The following NLGN1 variants were observed in gnomAD, a reference collection of about 807,000 sequenced individuals.
The protein encoded by NLGN1 is neuroligin-1.
In NLGN1, 12 loss-of-function variants were observed where a neutral mutation model predicts 65.5. The observed-to-expected ratio is 0.18, with a 90% CI of 0.12 to 0.30. NLGN1 has a LOEUF of 0.30. Ranked by LOEUF, NLGN1 falls within the 10% of genes least tolerant of loss-of-function variation. NLGN1 has a pLI of 1.00. For missense variants in NLGN1, 750 were observed against 1,007.1 expected (o/e 0.74, Z 3.46); for synonymous variants, 350 against 359.5 (o/e 0.97, Z 0.30).
intron 3 of NLGN1, among the ~76,000 whole-genome samples, chr3:173,807,466 G>A (rs2150446607): frequency 6.6e-6 from 1 of 152,222 alleles, no homozygotes; most frequent in South Asian, 2.1e-4. Flanking sequence ...TTTGCAACTT[G>A]TAAACAAAAT....
chr3:173,423,643 A>G (rs913702923), intron 1 of NLGN1, among the ~76,000 whole-genome samples: 14 of 152,174 alleles, frequency 9.2e-5, no homozygotes, highest in African/African-American at 3.1e-4. Context: ...TCTCACATCC[A>G]GGGCACACTA....
chr3:173,401,505 A>G (rs1018176735), intron 1 of NLGN1, among the ~76,000 whole-genome samples: 1 of 152,092 alleles, frequency 6.6e-6, no homozygotes, highest in Non-Finnish European at 1.5e-5. Flanking sequence ...AAGGAAGAGG[A>G]GGGAAAGAGG....
At chr3:173,699,580 C>G (rs557979856) in intron 3 of NLGN1, among the ~76,000 whole-genome samples, 2 of 152,308 alleles carry the variant, frequency 1.3e-5, no homozygotes, top group East Asian at 1.9e-4. Flanking sequence ...TCTCAGTGAA[C>G]TAAGCAACAG....
intron 2 of NLGN1, among the ~76,000 whole-genome samples, chr3:173,460,971 A>G (rs944595122): frequency 2.0e-5 from 3 of 152,150 alleles, no homozygotes; most frequent in East Asian, 1.9e-4. Flanking sequence ...GACTTAGTCT[A>G]TTTCTGTGAT....
At chr3:174,179,291 T>C (rs2152744453) in intron 4 of NLGN1, among the ~76,000 whole-genome samples, 1 of 152,248 alleles carries the variant, frequency 6.6e-6, no homozygotes, top group East Asian at 1.9e-4. Flanking sequence ...CCAAGGTCCA[T>C]GTGTACCTGT....
At chr3:174,193,581 C>T (rs772763904) in intron 4 of NLGN1, among the ~76,000 whole-genome samples, 3 of 152,140 alleles carry the variant, frequency 2.0e-5, no homozygotes, top group South Asian at 2.1e-4. Flanking sequence ...TCCTGTGCCT[C>T]TTGATGTTTT....
intron 4 of NLGN1, among the ~76,000 whole-genome samples, chr3:173,997,441 T>G (rs1579658001): frequency 6.6e-6 from 1 of 152,186 alleles, no homozygotes; most frequent in East Asian, 1.9e-4. Flanking sequence ...CCAGAATCAT[T>G]TTTTAAGGTG....
rs190351166 is a variant in NLGN1, at chr3:173,701,252, T to C, written c.493+96161T>C. On this transcript the variant is annotated intron_variant, in intron 3 of 6. Transcript: ENST00000457714. Reference sequence around the variant, plus strand: ...ATTCTGTGAACATATTAGCCTGCATTGCAAAAGGAACTTTACAGATGTTAT... The same window carrying C: ...ATTCTGTGAACATATTAGCCTGCATCGCAAAAGGAACTTTACAGATGTTAT... 1.4e-3 allele frequency among the ~76,000 whole-genome samples: 212 copies of C among 152,306 alleles called. 1 individual carries two copies. The highest frequency in any genetic ancestry group is 4.6e-3 in the African/African-American group (191 of 41,584).
At chr3:173,403,322 C>G (rs1030988159) in intron 1 of NLGN1, among the ~76,000 whole-genome samples, 5 of 152,070 alleles carry the variant, frequency 3.3e-5, no homozygotes, top group Non-Finnish European at 7.4e-5. Context: ...ATAATGTAAA[C>G]TATAGTTAAA....
chr3:173,514,283 G>T (rs759984075), intron 2 of NLGN1, among the ~76,000 whole-genome samples: 73 of 152,078 alleles, frequency 4.8e-4, no homozygotes, highest in African/African-American at 1.6e-3. Context: ...TTTTGGTTAT[G>T]TGGATAAATT....
At position 174,279,148 on chromosome 3, in the gene NLGN1, A is replaced by T; in HGVS notation, c.1147A>T (p.Ile383Leu). ...GCAAGGAGAGTTTCTCAACTATGAT[A>T]TAATGTTAGGAGTGAACCAAGGGGA... The change falls in exon 6 of 7, where the codon ATA (isoleucine) becomes TTA (leucine). Residue 383 changes from isoleucine to leucine, a missense_variant. By Grantham distance (5) the Ile-to-Leu change is conservative (BLOSUM62 2). Coordinates refer to ENST00000457714, the Ensembl canonical transcript of NLGN1. This position sits in a 1 kb window ranked among gnomAD's most constrained non-coding sequence, Gnocchi z 4.7. 1.2e-6 allele frequency: 2 copies of T among 1,613,454 alleles called. No homozygotes were observed. Among genetic ancestry groups the T allele is most frequent in the Non-Finnish European group, 1.7e-6 (2 of 1,179,558 alleles).
intron 3 of NLGN1, among the ~76,000 whole-genome samples, chr3:173,668,655 C>T (rs1378523941): frequency 8.1e-5 from 12 of 148,808 alleles, no homozygotes; most frequent in African/African-American, 2.0e-4. Context: ...AGTCTCACTC[C>T]GTCACCCAGG....
At chr3:173,617,950 C>T (rs1753377452) in intron 3 of NLGN1, among the ~76,000 whole-genome samples, 1 of 152,112 alleles carries the variant, frequency 6.6e-6, no homozygotes, top group Non-Finnish European at 1.5e-5. Flanking sequence ...TTACCATCTA[C>T]CTCTGTAAAT....
intron 4 of NLGN1, among the ~76,000 whole-genome samples, chr3:174,241,888 G>C (rs1246062600): frequency 6.6e-6 from 1 of 152,076 alleles, no homozygotes; most frequent in Non-Finnish European, 1.5e-5. Context: ...TCGATCTCCT[G>C]ACCTCGTGAT....
At chr3:173,753,284 A>T (rs1018179687) in intron 3 of NLGN1, among the ~76,000 whole-genome samples, 1 of 151,960 alleles carries the variant, frequency 6.6e-6, no homozygotes, top group Non-Finnish European at 1.5e-5. Flanking sequence ...CTATTCTCCA[A>T]CTCTACTTGG....
chr3:173,724,880 G>T (rs1404122218), intron 3 of NLGN1, among the ~76,000 whole-genome samples: 4 of 152,192 alleles, frequency 2.6e-5, no homozygotes, highest in African/African-American at 9.7e-5. Flanking sequence ...CATGTCCTTT[G>T]TAGGGACATG....
chr3:174,108,805 A>G (rs936433005), intron 4 of NLGN1, among the ~76,000 whole-genome samples: 2 of 152,016 alleles, frequency 1.3e-5, no homozygotes, highest in African/African-American at 4.8e-5. Context: ...TGGTCAAGGA[A>G]AGCAACTTAG....
At chr3:173,565,420 A>T (rs1743473600) in intron 2 of NLGN1, among the ~76,000 whole-genome samples, 2 of 152,328 alleles carry the variant, frequency 1.3e-5, no homozygotes, top group Admixed American at 1.3e-4. Context: ...TCCACATCTT[A>T]CTAAATCCCA....
chr3:173,826,951 T>G (rs532748726), intron 4 of NLGN1, among the ~76,000 whole-genome samples: 1 of 152,144 alleles, frequency 6.6e-6, no homozygotes, highest in South Asian at 2.1e-4. Flanking sequence ...AACAGAAACA[T>G]ATTTCATCAG....
Sources: gnomAD v4.1 joint callset for allele counts (sites outside exome capture counted in the v4.1 genomes callset) on GRCh38, gnomAD v4.1.1 for gene constraint, Gnocchi (gnomAD v3.1) non-coding constraint, MANE v1.5 for transcripts, NCBI Gene and HGNC (gene_info 2026-07-23, HGNC 2026-07-21) for gene names.